AFG2A: variants seen among roughly 807,000 people sequenced by gnomAD.
AFG2A encodes AAA ATPase AFG2A, also known as ATPase family gene 2 protein homolog A.
the AFG2A span, among the ~76,000 whole-genome samples, chr4:123,205,793 A>C: frequency 6.6e-6 from 1 of 152,036 alleles, no homozygotes; most frequent in African/African-American, 2.4e-5. Context: ...ATGTCTCAAT[A>C]AGTGTTTTAA....
chr4:123,154,796 A>G, the AFG2A span, among the ~76,000 whole-genome samples: 1 of 152,240 alleles, frequency 6.6e-6, no homozygotes, highest in Non-Finnish European at 1.5e-5. Context: ...TATATAAGAA[A>G]TTTAACAAAT....
At chr4:123,052,164 G>C in the AFG2A span, among the ~76,000 whole-genome samples, 3 of 151,784 alleles carry the variant, frequency 2.0e-5, no homozygotes, top group African/African-American at 7.3e-5. Flanking sequence ...CTCTGACTGT[G>C]TATTTTCAAA....
chr4:123,246,739 A>T, the AFG2A span, among the ~76,000 whole-genome samples: 2 of 152,138 alleles, frequency 1.3e-5, no homozygotes, highest in Non-Finnish European at 2.9e-5. Flanking sequence ...TCCCAGTACA[A>T]CCACTGGGAA....
At chr4:123,128,760 A>G in the AFG2A span, among the ~76,000 whole-genome samples, 2 of 152,152 alleles carry the variant, frequency 1.3e-5, no homozygotes, top group Non-Finnish European at 2.9e-5. Flanking sequence ...GACAAAACAG[A>G]CATCACAGAC....
the AFG2A span, among the ~76,000 whole-genome samples, chr4:123,193,056 A>G: frequency 1.3e-5 from 2 of 152,222 alleles, no homozygotes; most frequent in South Asian, 4.1e-4. Context: ...TCTTCTGAGA[A>G]TATTAGTAAA....
the AFG2A span, among the ~76,000 whole-genome samples, chr4:123,286,231 T>C: frequency 6.6e-6 from 1 of 152,186 alleles, no homozygotes; most frequent in Non-Finnish European, 1.5e-5. Context: ...TGTCTCTTCA[T>C]ATTTTAATCA....
At chr4:122,947,443 C>T in the AFG2A span, 1 of 1,613,954 alleles carries the variant, frequency 6.2e-7, no homozygotes, top group Non-Finnish European at 8.5e-7. Context: ...AAATAGTGCT[C>T]ATGGATACGT....
chr4:123,023,428 T>C, the AFG2A span, among the ~76,000 whole-genome samples: 1 of 152,130 alleles, frequency 6.6e-6, no homozygotes, highest in Admixed American at 6.5e-5. Flanking sequence ...TTTATTATGA[T>C]TGGAGATTCC....
the AFG2A span, among the ~76,000 whole-genome samples, chr4:123,191,928 T>A: frequency 6.6e-6 from 1 of 152,320 alleles, no homozygotes; most frequent in East Asian, 1.9e-4. Context: ...TAGGAGCGTT[T>A]AACATCATCA....
chr4:123,063,701 G>A, the AFG2A span, among the ~76,000 whole-genome samples: 738 of 151,662 alleles, frequency 4.9e-3, 9 homozygotes, highest in African/African-American at 0.017. Context: ...AGCTGAGATC[G>A]CGCCACTGCA....
chr4:123,057,275 G>A, the AFG2A span: 1 of 1,613,750 alleles, frequency 6.2e-7, no homozygotes, highest in Non-Finnish European at 8.5e-7. Flanking sequence ...TGCCTTAGCA[G>A]TTGAAAGGGG....
the AFG2A span, among the ~76,000 whole-genome samples, chr4:123,189,745 T>C: frequency 6.6e-6 from 1 of 151,708 alleles, no homozygotes; most frequent in Admixed American, 6.6e-5. Context: ...CACTTTTGCA[T>C]AGATTAATTG....
chr4:123,056,647 A>G, the AFG2A span, among the ~76,000 whole-genome samples: 1 of 152,174 alleles, frequency 6.6e-6, no homozygotes, highest in Non-Finnish European at 1.5e-5. Context: ...TTTAAACATC[A>G]TATTACCAGC....
chr4:123,012,581 C>T, the AFG2A span, among the ~76,000 whole-genome samples: 2 of 152,110 alleles, frequency 1.3e-5, no homozygotes, highest in Admixed American at 6.5e-5. Flanking sequence ...CAGGCATCCC[C>T]GCAGTGATTA....
At chr4:123,002,971 T>C in the AFG2A span, among the ~76,000 whole-genome samples, 1 of 152,202 alleles carries the variant, frequency 6.6e-6, no homozygotes, top group Non-Finnish European at 1.5e-5. Flanking sequence ...TCTTTTCACA[T>C]AGTCCCATAT....
At chr4:123,073,277 A>G in the AFG2A span, among the ~76,000 whole-genome samples, 1 of 151,734 alleles carries the variant, frequency 6.6e-6, no homozygotes, top group Non-Finnish European at 1.5e-5. Context: ...AGTTTTTTTC[A>G]TAACTTATAA....
chr4:123,090,630 A>G, the AFG2A span: 9 of 1,614,096 alleles, frequency 5.6e-6, no homozygotes, highest in Non-Finnish European at 6.8e-6. Context: ...AGCTCTTAAC[A>G]GAAATGGATG....
the AFG2A span, among the ~76,000 whole-genome samples, chr4:123,283,505 A>G: frequency 6.6e-6 from 1 of 152,204 alleles, no homozygotes; most frequent in African/African-American, 2.4e-5. Context: ...CAGAATCCCA[A>G]ATTTGAGTCA....
the AFG2A span, among the ~76,000 whole-genome samples, chr4:122,945,443 C>T: frequency 2.4e-4 from 37 of 152,342 alleles, no homozygotes; most frequent in South Asian, 1.9e-3. Context: ...TAGGACCCTC[C>T]GAGCCAGGTG....
Sources: gnomAD v4.1 joint callset for allele counts (sites outside exome capture counted in the v4.1 genomes callset) on GRCh38, gnomAD v4.1.1 for gene constraint, MANE v1.5 for transcripts, NCBI Gene and HGNC (gene_info 2026-07-23, HGNC 2026-07-21) for gene names.